MLH3: variants seen among roughly 807,000 people sequenced by gnomAD.
MLH3 encodes DNA mismatch repair protein Mlh3.
MLH3 carries 82 observed loss-of-function variants against 122.2 expected under a neutral mutation model. The ratio of observed to expected loss-of-function variants is 0.67; its 90% CI spans 0.56 to 0.81. MLH3 has a LOEUF of 0.81. MLH3 is among the 30% of genes least tolerant of loss of function. The probability of loss-of-function intolerance (pLI) is 0.00; values close to 1 mark genes in which losing one functional copy is unlikely to be tolerated. For missense variants in MLH3, 1,539 were observed against 1,714.5 expected, an observed-to-expected ratio of 0.90 and a Z score of 1.81; for synonymous variants, 524 against 599.5, an observed-to-expected ratio of 0.87 and a Z score of 1.84.
At chr14:75,037,962 C>T (rs1309539532) in intron 6 of MLH3, among the ~76,000 whole-genome samples, 1 of 152,168 alleles carries the variant, frequency 6.6e-6, no homozygotes, top group Non-Finnish European at 1.5e-5. Context: ...TGTAATAGCG[C>T]AATCTCGGCT....
chr14:75,031,145 T>C (rs1029022226), intron 8 of MLH3, among the ~76,000 whole-genome samples: 1 of 152,104 alleles, frequency 6.6e-6, no homozygotes, highest in Non-Finnish European at 1.5e-5. Flanking sequence ...AATTATGTCA[T>C]AGGGAAAAAA....
chr14:75,025,414 C>T (rs1890567137), intron 9 of MLH3, among the ~76,000 whole-genome samples: 1 of 152,228 alleles, frequency 6.6e-6, no homozygotes, highest in South Asian at 2.1e-4. Flanking sequence ...ACCATTCCCT[C>T]CTTGCTTAAA....
intron 4 of MLH3, 46 bp downstream of exon 4, chr14:75,041,568 GA>G: frequency 7.0e-7 from 1 of 1,423,544 alleles, no homozygotes; most frequent in African/African-American, 1.5e-5. Context: ...AAAATAAGAA[GA>G]AGAAGAAGAA....
chr14:75,029,429 T>C (rs1036861083), intron 9 of MLH3, among the ~76,000 whole-genome samples: 4 of 152,190 alleles, frequency 2.6e-5, no homozygotes, highest in African/African-American at 4.8e-5. Context: ...GCCATATCTA[T>C]TGATAGTTCC....
At chr14:75,021,258 G>A (rs1377998235) in intron 11 of MLH3, among the ~76,000 whole-genome samples, 4 of 152,170 alleles carry the variant, frequency 2.6e-5, no homozygotes, top group African/African-American at 9.7e-5. Flanking sequence ...AGATTTCCTG[G>A]TAAAGACTCT....
rs1339991404 is a variant in MLH3 at position 75,047,658 on chromosome 14, A to G, written c.1998T>C (p.Ser666=). The part of the protein sequence containing the change: ...KDLASTLSKE[S]GQLPNKKNCR... The stretch of plus-strand genomic sequence containing the variant: ...AATTTTTTTTGTTGGGCAATTGACC[A>G]GATTCTTTACTTAAAGTGCTGGCTA... The change falls in exon 2 of 13, where the codon TCT becomes TCC. Residue 666 remains serine, a synonymous_variant. Coordinates refer to ENST00000355774, the MANE Select transcript of MLH3 (RefSeq NM_001040108.2). The G allele has an allele frequency of 6.2e-7, 1 of 1,613,936 alleles. No homozygotes were observed. Among genetic ancestry groups the G allele is most frequent in the African/African-American group, 1.3e-5 (1 of 74,928 alleles).
rs192384476 is a variant in MLH3 at position 75,018,901 on chromosome 14, T to C, written c.4170A>G (p.Pro1390=). 56 of 1,614,174 alleles carry C rather than the reference T, an allele frequency of 3.5e-5. No individual in the cohort carries two copies. The highest frequency in any genetic ancestry group is 3.3e-4 in the Middle Eastern group (2 of 6,062). The part of the protein sequence containing the change: ...LIEALSSCQL[P]FQCAHGRPSM... ...AAGGTCTCCCGTGAGCACACTGGAA[T>C]GGCAGCTGGCATGAGGACAGAGCTT... The change falls in exon 12 of 13, where the codon CCA becomes CCG. Residue 1390 remains proline (P), a synonymous_variant. Transcript: ENST00000355774.
intron 3 of MLH3, 50 bp downstream of exon 3, chr14:75,042,329 T>C: frequency 6.7e-7 from 1 of 1,494,682 alleles, no homozygotes. Context: ...TTTTTTGAGT[T>C]AGGTGGTACG....
intron 6 of MLH3, 33 bp from the exon 7 acceptor site, chr14:75,033,523 C>T (rs371495671): frequency 6.4e-7 from 1 of 1,552,146 alleles, no homozygotes; most frequent in South Asian, 1.1e-5. Context: ...CTTTGATTCT[C>T]AGAGCAAGAC....
At chr14:75,044,269 A>G (rs1010387846) in intron 2 of MLH3, among the ~76,000 whole-genome samples, 1 of 152,218 alleles carries the variant, frequency 6.6e-6, no homozygotes, top group South Asian at 2.1e-4. Context: ...GGAAACTATC[A>G]GTTAACATGA....
chr14:75,031,166 G>C (rs1891023593), intron 8 of MLH3, among the ~76,000 whole-genome samples: 1 of 152,158 alleles, frequency 6.6e-6, no homozygotes, highest in African/African-American at 2.4e-5. Context: ...AGATTTACTG[G>C]CAGTATCATA....
At position 75,049,167 on chromosome 14, in the gene MLH3, G is replaced by A. The variant is rs2139604851; in HGVS notation, c.489C>T (p.Asp163=). The change falls in exon 2 of 13, where the codon GAC becomes GAT. Residue 163 remains aspartate (D), a synonymous_variant. Transcript: ENST00000355774. Reference sequence around the variant, plus strand: ...TAACCTTCTCAAACTCCAGTCTAGGGTCCATGCATTTCCTCCTTACAGGAA... The same window carrying A: ...TAACCTTCTCAAACTCCAGTCTAGGATCCATGCATTTCCTCCTTACAGGAA... ...YQLPVRRKCM[D]PRLEFEKVRQ... is the part of the protein sequence containing the mutation. 3.1e-6 allele frequency: 5 copies of A among 1,614,160 alleles called. No individual in the cohort carries two copies. Among genetic ancestry groups the A allele is most frequent in the Non-Finnish European group, 4.2e-6 (5 of 1,180,024 alleles).
intron 5 of MLH3, among the ~76,000 whole-genome samples, chr14:75,038,843 A>ATT (rs879937438): frequency 1.4e-5 from 2 of 146,412 alleles, no homozygotes; most frequent in African/African-American, 2.5e-5. Context: ...TTTATTTTTA[A>ATT]TTTTTTTTTT....
intron 11 of MLH3, among the ~76,000 whole-genome samples, chr14:75,022,535 A>T (rs1159401588): frequency 6.6e-6 from 1 of 152,102 alleles, no homozygotes; most frequent in Non-Finnish European, 1.5e-5. Context: ...CTATGAACCC[A>T]TGTTCCCCAG....
At chr14:75,039,682 A>T (rs1039266115) in intron 5 of MLH3, among the ~76,000 whole-genome samples, 2 of 151,528 alleles carry the variant, frequency 1.3e-5, no homozygotes, top group South Asian at 2.1e-4. Flanking sequence ...ACCTACTTAC[A>T]CTACTAAAGA....
In MLH3 at chr14:75,049,166, G is replaced by T. The variant is rs745693169; in HGVS notation, c.490C>A (p.Pro164Thr). ...QLPVRRKCMD[P>T]RLEFEKVRQR... ...CTAACCTTCTCAAACTCCAGTCTAG[G>T]GTCCATGCATTTCCTCCTTACAGGA... The change falls in exon 2 of 13, where the codon CCT becomes ACT. Residue 164 changes from proline (P) to threonine (T), a missense_variant. Transcript: ENST00000355774. 1.9e-6 allele frequency: 3 copies of T among 1,614,078 alleles called. No individual in the cohort carries two copies. The Admixed American group carries it at 5.0e-5, about 27-fold the overall frequency.
intron 2 of MLH3, among the ~76,000 whole-genome samples, chr14:75,045,482 TG>T (rs28756996): frequency 1.1e-3 from 174 of 152,330 alleles, no homozygotes; most frequent in Non-Finnish European, 2.3e-3. Context: ...TGAAAATTCA[TG>T]GACAAGTCCT....
chr14:75,039,875 A>ATATATATATT (rs1566594545), intron 5 of MLH3, 36 bp downstream of exon 5: 2 of 401,956 alleles, frequency 5.0e-6, no homozygotes, highest in African/African-American at 5.3e-5. Flanking sequence ...ATATATATAT[A>ATATATATATT]TATATATTTA....
Position 75,042,547 on chromosome 14 carries a change from A to C in MLH3, c.3281-70T>G, listed in dbSNP as rs113040243. 3.2e-4 allele frequency: 375 copies of C among 1,184,266 alleles called. 3 individuals are homozygous for C. The African/African-American group carries it at 5.0e-3, about 16-fold the overall frequency. 73.4% of individuals were successfully genotyped at this position (1,184,266 alleles called of 1,614,324 possible). ...AAGTAAACTCTTTAAAAATTTAATC[A>C]CATAAAACCTCTTTCTGCACAAACT... On this transcript the variant is annotated intron_variant, in intron 2 of 12. Transcript: ENST00000355774.
Sources: allele counts gnomAD v4.1 joint callset (sites outside exome capture counted in the v4.1 genomes callset), GRCh38; gene constraint gnomAD v4.1.1; transcripts MANE v1.5; gene names NCBI Gene and HGNC (gene_info 2026-07-23, HGNC 2026-07-21).